Variants in LRRC7 observed in about 807,000 individuals in gnomAD.
LRRC7 encodes the protein leucine rich repeat containing 7, also known as leucine-rich repeat-containing protein 7.
LRRC7 carries 23 observed loss-of-function variants against 175.7 expected under a neutral mutation model. That is an observed-to-expected ratio of 0.13 (90% CI 0.09 to 0.19). The LOEUF (loss-of-function observed/expected upper bound fraction) is 0.19. Among genes scored for constraint, LRRC7 ranks in the 10% least tolerant of loss-of-function variants. LRRC7 has a pLI of 1.00. For synonymous variants in LRRC7, 685 were observed against 680.9 expected, an observed-to-expected ratio of 1.01 and a Z score of -0.09; for missense variants, 1,354 against 1,904.7, an observed-to-expected ratio of 0.71 and a Z score of 5.38.
intron 1 of LRRC7, among the ~76,000 whole-genome samples, chr1:69,661,590 C>T (rs1657485162): frequency 6.6e-6 from 1 of 152,100 alleles, no homozygotes; most frequent in Admixed American, 6.5e-5. Flanking sequence ...ACCAGGAGAA[C>T]ATTGTGTCAA....
intron 7 of LRRC7, among the ~76,000 whole-genome samples, chr1:69,850,055 GTGA>G (rs1450369816): frequency 6.6e-6 from 1 of 152,012 alleles, no homozygotes; most frequent in Non-Finnish European, 1.5e-5. Flanking sequence ...GGGATGTTGG[GTGA>G]TTTGGGGTGG....
chr1:70,088,476 T>C (rs975015713), intron 24 of LRRC7, among the ~76,000 whole-genome samples: 4 of 152,164 alleles, frequency 2.6e-5, no homozygotes, highest in Non-Finnish European at 4.4e-5. Context: ...GGCAGGAGGA[T>C]ACTTTGAGCC....
At chr1:69,853,187 C>T (rs895271939) in intron 7 of LRRC7, among the ~76,000 whole-genome samples, 1 of 151,376 alleles carries the variant, frequency 6.6e-6, no homozygotes, top group Admixed American at 6.6e-5. Context: ...ATAAAATAAG[C>T]CATATTTTAC....
rs561010345 is a variant in LRRC7, at chr1:69,737,248, T to C, written c.101-22943T>C. On this transcript the variant is annotated intron_variant, in intron 2 of 26. Transcript: ENST00000651989. ...GTGAGAGGAACCTGGTGGGAGGTAA[T>C]TGAATCATGCCAATGGGTTTTTCCC... Among the ~76,000 whole-genome samples the C allele has an allele frequency of 3.9e-5, 6 of 152,190 alleles. No homozygotes were observed. The South Asian group carries it at 6.2e-4, about 16-fold the overall frequency.
intron 1 of LRRC7, among the ~76,000 whole-genome samples, chr1:69,580,498 A>T (rs1646151455): frequency 6.6e-6 from 1 of 152,168 alleles, no homozygotes; most frequent in South Asian, 2.1e-4. Context: ...GAACTAAGCT[A>T]CTGTTCTTGC....
intron 2 of LRRC7, among the ~76,000 whole-genome samples, chr1:69,722,543 A>G (rs1666476403): frequency 6.6e-6 from 1 of 152,082 alleles, no homozygotes; most frequent in African/African-American, 2.4e-5. Flanking sequence ...TAATAGATGG[A>G]TAATTCACTC....
At chr1:69,984,691 T>G (rs1276746161) in intron 9 of LRRC7, among the ~76,000 whole-genome samples, 1 of 152,162 alleles carries the variant, frequency 6.6e-6, no homozygotes, top group Non-Finnish European at 1.5e-5. Flanking sequence ...CCATCCCCTC[T>G]TCATCCTCAC....
rs535749243 is a variant in LRRC7 at position 69,834,799 on chromosome 1, C to G, written c.520C>G (p.Gln174Glu). 1 of 1,613,100 alleles carries G rather than the reference C, an allele frequency of 6.2e-7. No homozygotes were observed. Among genetic ancestry groups the G allele is most frequent in the Non-Finnish European group, 8.5e-7 (1 of 1,179,424 alleles). The change falls in exon 6 of 27, where the codon CAG becomes GAG. Residue 174 changes from glutamine to glutamate, a missense_variant. By Grantham distance (29) the Gln-to-Glu change is conservative. Around this residue, in one of 4 missense-constraint regions of LRRC7, gnomAD observed 201 missense variants for 481.4 expected, o/e 0.42. Transcript: ENST00000651989. ...PISKLPDGFT[Q>E]LLNLTQLYLN... ...TTTTAGACTACCTGATGGCTTCACA[C>G]AGCTCCTAAACCTGACCCAGCTCTA...
chr1:69,947,033 G>A (rs557281004), intron 8 of LRRC7, among the ~76,000 whole-genome samples: 54 of 152,016 alleles, frequency 3.6e-4, no homozygotes, highest in African/African-American at 1.1e-3. Context: ...AGCTGAGATC[G>A]CACCACTGCA....
At chr1:70,040,385 G>T (rs1659768893) in intron 21 of LRRC7, among the ~76,000 whole-genome samples, 2 of 151,976 alleles carry the variant, frequency 1.3e-5, no homozygotes, top group South Asian at 4.1e-4. Context: ...TTAGAATGTT[G>T]GTTTTTATAT....
chr1:69,904,865 T>C (rs1646248731), intron 7 of LRRC7, among the ~76,000 whole-genome samples: 1 of 152,120 alleles, frequency 6.6e-6, no homozygotes, highest in Admixed American at 6.6e-5. Context: ...TGTTTCCTTT[T>C]TCTTGTCCAT....
At chr1:70,018,679 G>T (rs1225286075) in intron 14 of LRRC7, 40 bp from the exon 15 acceptor site, 5 of 1,379,508 alleles carry the variant, frequency 3.6e-6, no homozygotes, top group Admixed American at 3.5e-5. Context: ...TTATATATTT[G>T]CAATTGTATT....
At chr1:69,679,787 G>A (rs1327765560) in intron 2 of LRRC7, among the ~76,000 whole-genome samples, 1 of 152,024 alleles carries the variant, frequency 6.6e-6, no homozygotes, top group East Asian at 1.9e-4. Context: ...GTTTGCAAAT[G>A]GTTATCACAG....
chr1:70,095,647 A>C (rs1001382952), intron 25 of LRRC7, among the ~76,000 whole-genome samples: 2 of 152,178 alleles, frequency 1.3e-5, no homozygotes, highest in African/African-American at 4.8e-5. Flanking sequence ...TAGAAAGGAG[A>C]CATGAATTTC....
intron 1 of LRRC7, among the ~76,000 whole-genome samples, chr1:69,663,731 T>A (rs1323976144): frequency 8.6e-6 from 1 of 115,940 alleles, no homozygotes; most frequent in African/African-American, 3.1e-5. Context: ...TTTTTTTTTT[T>A]TGAGACGGAG....
chr1:69,724,167 A>G (rs1035187470), intron 2 of LRRC7, among the ~76,000 whole-genome samples: 2 of 152,146 alleles, frequency 1.3e-5, no homozygotes, highest in African/African-American at 4.8e-5. Flanking sequence ...AAAAAAATGG[A>G]TATAATTGTA....
At chr1:70,029,644 A>G (rs1658498191) in intron 18 of LRRC7, among the ~76,000 whole-genome samples, 1 of 152,206 alleles carries the variant, frequency 6.6e-6, no homozygotes, top group African/African-American at 2.4e-5. Context: ...ATAAAGGGGA[A>G]GGAAACCAAC....
intron 8 of LRRC7, among the ~76,000 whole-genome samples, chr1:69,939,041 CTATAT>C (rs1648407315): frequency 2.0e-5 from 1 of 50,704 alleles, no homozygotes; most frequent in East Asian, 9.8e-4. Context: ...CTATATATAT[CTATAT>C]CTATCTCACA....
intron 1 of LRRC7, among the ~76,000 whole-genome samples, chr1:69,574,524 A>C (rs1379944550): frequency 6.6e-6 from 1 of 152,200 alleles, no homozygotes; most frequent in Non-Finnish European, 1.5e-5. Context: ...GATAGTGCCT[A>C]AGTATTATGA....
Sources: gnomAD v4.1 joint callset for allele counts (sites outside exome capture counted in the v4.1 genomes callset) on GRCh38, gnomAD v4.1.1 for gene constraint, gnomAD v4.1.1 regional missense constraint, MANE v1.5 for transcripts, NCBI Gene and HGNC (gene_info 2026-07-23, HGNC 2026-07-21) for gene names.